The following DTNB variants were observed in gnomAD, a reference collection of about 807,000 sequenced individuals.
DTNB encodes the protein dystrobrevin beta.
In DTNB, 63 loss-of-function variants were observed where a neutral mutation model predicts 90.7. The ratio of observed to expected loss-of-function variants is 0.69; its 90% confidence interval spans 0.57 to 0.86. The LOEUF is 0.86. Ranked by LOEUF, DTNB falls within the 40% of genes least tolerant of loss-of-function variation. The probability of loss-of-function intolerance (pLI) is 0.00; values close to 1 mark genes in which losing one functional copy is unlikely to be tolerated. For synonymous variants in DTNB, 277 were observed against 286.7 expected (o/e 0.97, Z 0.34); for missense variants, 744 against 807.1 (o/e 0.92, Z 0.95).
At chr2:25,551,904 T>C (rs1310742686) in intron 8 of DTNB, among the ~76,000 whole-genome samples, 1 of 152,246 alleles carries the variant, frequency 6.6e-6, no homozygotes, top group Non-Finnish European at 1.5e-5. Flanking sequence ...AATACTTCTC[T>C]GTTCTAGCTT....
intron 1 of DTNB, among the ~76,000 whole-genome samples, chr2:25,665,541 C>CTG (rs1470415623): frequency 6.6e-6 from 1 of 151,932 alleles, no homozygotes; most frequent in Non-Finnish European, 1.5e-5. Context: ...CAAGAGAATC[C>CTG]CTTGAACCCA....
At chr2:25,577,071 G>A (rs555720626) in intron 7 of DTNB, 67 bp from the exon 8 acceptor site, 3 of 1,436,448 alleles carry the variant, frequency 2.1e-6, no homozygotes, top group Admixed American at 2.7e-5. Flanking sequence ...AAAGAAGAAA[G>A]AATAAAATTT....
At chr2:25,636,398 A>G (rs1219733255) in intron 3 of DTNB, among the ~76,000 whole-genome samples, 1 of 152,182 alleles carries the variant, frequency 6.6e-6, no homozygotes, top group African/African-American at 2.4e-5. Flanking sequence ...CCTTTAGAAC[A>G]ATGCATCTTT....
At chr2:25,467,496 G>A (rs978593126) in intron 10 of DTNB, among the ~76,000 whole-genome samples, 1 of 151,958 alleles carries the variant, frequency 6.6e-6, no homozygotes, top group South Asian at 2.1e-4. Context: ...TAAATATGTG[G>A]TCTTGCTGTG....
At chr2:25,458,037 G>A (rs2060315269) in intron 10 of DTNB, among the ~76,000 whole-genome samples, 1 of 152,194 alleles carries the variant, frequency 6.6e-6, no homozygotes, top group African/African-American at 2.4e-5. Context: ...GTTTCACCAT[G>A]TTGGCCAGGA....
intron 6 of DTNB, among the ~76,000 whole-genome samples, chr2:25,587,969 G>A (rs577292383): frequency 6.6e-6 from 1 of 152,020 alleles, no homozygotes; most frequent in Non-Finnish European, 1.5e-5. Context: ...ACTTAATTAA[G>A]CATAATCCTT....
chr2:25,511,556 T>C (rs556948754), intron 9 of DTNB, among the ~76,000 whole-genome samples: 1 of 152,316 alleles, frequency 6.6e-6, no homozygotes, highest in South Asian at 2.1e-4. Flanking sequence ...GGTCTCGAAC[T>C]CCTGACCTCA....
At chr2:25,584,845 C>T (rs1559127348) in intron 6 of DTNB, among the ~76,000 whole-genome samples, 2 of 152,188 alleles carry the variant, frequency 1.3e-5, no homozygotes, top group Non-Finnish European at 2.9e-5. Context: ...GCGTGAGCCA[C>T]CATGCCCAGC....
chr2:25,473,042 C>T (rs1437181873), intron 10 of DTNB, among the ~76,000 whole-genome samples: 2 of 152,190 alleles, frequency 1.3e-5, no homozygotes, highest in Non-Finnish European at 2.9e-5. Flanking sequence ...TGGCAAGTTT[C>T]AATCGGAAGA....
At chr2:25,491,667 T>C (rs1332135895) in intron 9 of DTNB, among the ~76,000 whole-genome samples, 1 of 151,772 alleles carries the variant, frequency 6.6e-6, no homozygotes, top group East Asian at 1.9e-4. Context: ...CAGTGGTATA[T>C]TCTTTTCTAC....
intron 4 of DTNB, among the ~76,000 whole-genome samples, chr2:25,614,920 T>C (rs981387462): frequency 2.0e-5 from 3 of 152,158 alleles, no homozygotes; most frequent in African/African-American, 7.2e-5. Flanking sequence ...TCCGACACCA[T>C]TTACCTGGAG....
At chr2:25,504,430 A>AAGAAGGAAAGAG (rs2071764944) in intron 9 of DTNB, among the ~76,000 whole-genome samples, 1 of 150,902 alleles carries the variant, frequency 6.6e-6, no homozygotes, top group Non-Finnish European at 1.5e-5. Context: ...GAAGGAAAGA[A>AAGAAGGAAAGAG]AGAAGGAAAG....
chr2:25,636,146 T>C (rs1046988192), intron 3 of DTNB, among the ~76,000 whole-genome samples: 4 of 152,158 alleles, frequency 2.6e-5, no homozygotes, highest in Admixed American at 6.5e-5. Flanking sequence ...AAAATACATA[T>C]GGAAAAACTT....
intron 12 of DTNB, among the ~76,000 whole-genome samples, chr2:25,446,466 G>A (rs888642510): frequency 3.9e-5 from 6 of 151,952 alleles, no homozygotes; most frequent in Non-Finnish European, 8.8e-5. Context: ...ATGTTGCTGA[G>A]ACTGGTCTTG....
At chr2:25,422,444 C>A (rs1486485957) in intron 15 of DTNB, among the ~76,000 whole-genome samples, 1 of 122,178 alleles carries the variant, frequency 8.2e-6, no homozygotes, top group South Asian at 2.6e-4. Context: ...CTCACTGTGT[C>A]GCCCAGGCTG....
chr2:25,479,397 T>C (rs761323276), intron 10 of DTNB, among the ~76,000 whole-genome samples: 58 of 152,304 alleles, frequency 3.8e-4, no homozygotes, highest in Non-Finnish European at 6.8e-4. Flanking sequence ...GGGAGGGGTA[T>C]TTTAAGCCTA....
chr2:25,635,108 TA>T (rs1166731287), intron 3 of DTNB, among the ~76,000 whole-genome samples: 2 of 145,052 alleles, frequency 1.4e-5, no homozygotes, highest in Admixed American at 1.4e-4. Flanking sequence ...TTTAAAATAA[TA>T]GTATCATGTC....
chr2:25,602,870 T>C (rs2066202121), intron 5 of DTNB, among the ~76,000 whole-genome samples: 1 of 152,216 alleles, frequency 6.6e-6, no homozygotes, highest in Admixed American at 6.5e-5. Context: ...TTTAAAGGCA[T>C]TATATTCAAT....
intron 11 of DTNB, among the ~76,000 whole-genome samples, chr2:25,452,639 G>C (rs2059447113): frequency 6.6e-6 from 1 of 151,992 alleles, no homozygotes; most frequent in Admixed American, 6.5e-5. Flanking sequence ...ACTCATCGAA[G>C]TTTGTTATAA....
Sources: allele counts gnomAD v4.1 joint callset (sites outside exome capture counted in the v4.1 genomes callset), GRCh38; gene constraint gnomAD v4.1.1; transcripts MANE v1.5; gene names NCBI Gene and HGNC (gene_info 2026-07-23, HGNC 2026-07-21).